MAGI2: variants seen among roughly 807,000 people sequenced by gnomAD.
MAGI2 encodes membrane associated guanylate kinase, WW and PDZ domain containing 2.
In MAGI2, 35 loss-of-function variants were observed where a neutral mutation model predicts 133.3. That is an observed-to-expected ratio of 0.26 (90% CI 0.20 to 0.35). The LOEUF is 0.35. Among genes scored for constraint, MAGI2 ranks in the 10% least tolerant of loss-of-function variants. MAGI2 has a pLI of 1.00. For missense variants in MAGI2, 1,636 were observed against 1,863.4 expected (o/e 0.88, Z 2.25); for synonymous variants, 729 against 710.6 (o/e 1.03, Z -0.41).
chr7:79,184,341 A>G (rs1262739758), intron 1 of MAGI2, among the ~76,000 whole-genome samples: 1 of 151,550 alleles, frequency 6.6e-6, no homozygotes, highest in African/African-American at 2.4e-5. Context: ...AGGTGCACCA[A>G]TATCTCAGAA....
At chr7:78,736,777 G>A (rs1223842780) in intron 2 of MAGI2, among the ~76,000 whole-genome samples, 2 of 152,120 alleles carry the variant, frequency 1.3e-5, no homozygotes, top group Non-Finnish European at 2.9e-5. Flanking sequence ...AACTGGGGGT[G>A]GGGGGAGTGT....
intron 1 of MAGI2, among the ~76,000 whole-genome samples, chr7:79,123,606 T>G (rs1226165821): frequency 6.6e-6 from 1 of 151,742 alleles, no homozygotes. Context: ...ACCAACATGG[T>G]GAAACCTCAT....
chr7:78,345,835 G>A (rs1363774312), intron 8 of MAGI2, 87 bp downstream of exon 8: 1 of 1,545,208 alleles, frequency 6.5e-7, no homozygotes, highest in Non-Finnish European at 8.7e-7. Flanking sequence ...TTTTCAAAAT[G>A]GTCCAAGCTA....
intron 1 of MAGI2, among the ~76,000 whole-genome samples, chr7:79,449,883 T>TATATATATAC (rs1415988131): frequency 9.9e-5 from 10 of 101,442 alleles, no homozygotes; most frequent in Non-Finnish European, 2.1e-4. Context: ...TATACATATA[T>TATATATATAC]ATATATATAT....
chr7:78,672,865 T>C (rs1239351107), intron 2 of MAGI2, among the ~76,000 whole-genome samples: 5 of 152,156 alleles, frequency 3.3e-5, no homozygotes, highest in African/African-American at 1.2e-4. Flanking sequence ...CTTACCATTG[T>C]CTCAAACTTA....
chr7:79,186,685 G>GTATA lies in MAGI2; in HGVS notation c.302-179483_302-179480dup, dbSNP rs560822258. On this transcript the variant is annotated intron_variant, in intron 1 of 21. Coordinates refer to ENST00000354212, the MANE Select transcript of MAGI2 (RefSeq NM_012301.4). ...CAAAGGACGTTTACATTTTATACGAGTATATATATTTATACAAAAGTATAT... is the reference window on the plus strand; with the variant it reads ...CAAAGGACGTTTACATTTTATACGAGTATATATATATATTTATACAAAAGTATAT... Among the ~76,000 whole-genome samples, 431 of 132,288 alleles carry GTATA rather than the reference G, an allele frequency of 3.3e-3. 1 individual carries two copies. Among genetic ancestry groups the GTATA allele is most frequent in the Non-Finnish European group, 4.4e-3 (291 of 66,072 alleles). 86.8% of individuals were successfully genotyped at this position (132,288 alleles called of 152,430 possible).
At chr7:78,229,718 C>T (rs565881333) in intron 10 of MAGI2, among the ~76,000 whole-genome samples, 44 of 152,240 alleles carry the variant, frequency 2.9e-4, no homozygotes, top group Non-Finnish European at 4.9e-4. Context: ...TAGGAAGGGA[C>T]GATGACAGAG....
intron 2 of MAGI2, among the ~76,000 whole-genome samples, chr7:78,661,999 G>T (rs1379103262): frequency 6.6e-6 from 1 of 152,072 alleles, no homozygotes; most frequent in Non-Finnish European, 1.5e-5. Flanking sequence ...GTGTAGGGGT[G>T]GGAAAATCCA....
chr7:78,494,274 C>T (rs1255247247), intron 5 of MAGI2, among the ~76,000 whole-genome samples: 1 of 152,078 alleles, frequency 6.6e-6, no homozygotes, highest in African/African-American at 2.4e-5. Flanking sequence ...ACTTTCAAAT[C>T]AAATTTTCTT....
intron 21 of MAGI2, among the ~76,000 whole-genome samples, chr7:78,043,657 A>G (rs1388881029): frequency 6.6e-6 from 1 of 152,216 alleles, no homozygotes; most frequent in Non-Finnish European, 1.5e-5. Context: ...ATTTTAACGG[A>G]TGTACAGACA....
chr7:78,160,156 G>A lies in MAGI2; in HGVS notation c.2714C>T (p.Ala905Val), dbSNP rs752074361. 1 of 1,612,812 alleles carries A rather than the reference G, an allele frequency of 6.2e-7. No individual in the cohort carries two copies. The highest frequency in any genetic ancestry group is 8.5e-7 in the Non-Finnish European group (1 of 1,179,448). ...GGAGGCGAAGCCTTCAGGGGGAGAG[G>A]CATTGCTACTGGGGGCAGCGTGGTT... is the stretch of plus-strand genomic sequence containing the variant. The part of the protein sequence containing the change: ...NSNHAAPSSN[A>V]SPPEGFASHS... Residue 905 changes from alanine to valine, a missense_variant, in exon 16 of 22, where the codon GCC becomes GTC. Coordinates refer to ENST00000354212, the MANE Select transcript of MAGI2 (RefSeq NM_012301.4).
rs73378233 is a variant in MAGI2 at position 78,604,782 on chromosome 7, G to A, written c.538+22338C>T. 7.1e-4 allele frequency among the ~76,000 whole-genome samples: 108 copies of A among 152,284 alleles called. 1 individual carries two copies. Among genetic ancestry groups the A allele is most frequent in the Middle Eastern group, 6.8e-3 (2 of 294 alleles). On this transcript the variant is annotated intron_variant, in intron 3 of 21. Transcript: ENST00000354212. ...GCTAATACCAATTGTTGTTTTACAT[G>A]AAAACATTTAAATTCATATAAATGG...
intron 5 of MAGI2, among the ~76,000 whole-genome samples, chr7:78,500,459 C>T (rs1170332339): frequency 6.6e-6 from 1 of 152,220 alleles, no homozygotes; most frequent in Non-Finnish European, 1.5e-5. Flanking sequence ...TACTAATGAA[C>T]ATTTTGGTTG....
intron 3 of MAGI2, among the ~76,000 whole-genome samples, chr7:78,584,051 A>G (rs2150819496): frequency 6.6e-6 from 1 of 152,308 alleles, no homozygotes; most frequent in South Asian, 2.1e-4. Context: ...GTGTGATGGG[A>G]AAAAACCAAA....
At chr7:78,206,518 C>G (rs779691916) in intron 10 of MAGI2, among the ~76,000 whole-genome samples, 5 of 152,052 alleles carry the variant, frequency 3.3e-5, no homozygotes, top group Non-Finnish European at 7.4e-5. Context: ...GTCTCAAACT[C>G]CTGATCTCAT....
At chr7:78,434,396 G>C (rs1458229643) in intron 6 of MAGI2, among the ~76,000 whole-genome samples, 1 of 152,322 alleles carries the variant, frequency 6.6e-6, no homozygotes, top group East Asian at 1.9e-4. Context: ...TTTTGGAGAA[G>C]AGATGACAGC....
chr7:78,020,063 G>A, intron 21 of MAGI2, 87 bp from the exon 22 acceptor site: 1 of 1,227,356 alleles, frequency 8.1e-7, no homozygotes, highest in African/African-American at 1.6e-5. Context: ...GCAGGCAGCT[G>A]GGGCGATTGC....
intron 12 of MAGI2, among the ~76,000 whole-genome samples, chr7:78,193,273 A>C (rs1208257840): frequency 6.6e-6 from 1 of 152,240 alleles, no homozygotes; most frequent in African/African-American, 2.4e-5. Context: ...AAAAAGCAGG[A>C]GGAAGCATCT....
At position 78,159,011 on chromosome 7, in the gene MAGI2, C is replaced by T. The variant is rs185149001; in HGVS notation, c.2845+1014G>A. On this transcript the variant is annotated intron_variant, in intron 16 of 21. Coordinates refer to ENST00000354212, the MANE Select transcript of MAGI2 (RefSeq NM_012301.4). The stretch of plus-strand genomic sequence containing the variant: ...AGAAGACAGCAAGAAAACCACACTT[C>T]GACCCCCTATGATTCCATCTCCAAC... Among the ~76,000 whole-genome samples, 74 of 152,188 alleles carry T rather than the reference C, an allele frequency of 4.9e-4. 1 individual carries two copies. The highest frequency in any genetic ancestry group is 4.4e-3 in the South Asian group (21 of 4,804).
Sources: allele counts gnomAD v4.1 joint callset (sites outside exome capture counted in the v4.1 genomes callset), GRCh38; gene constraint gnomAD v4.1.1; transcripts MANE v1.5; gene names NCBI Gene and HGNC (gene_info 2026-07-23, HGNC 2026-07-21).